The following TDRD9 variants were observed in gnomAD, a reference collection of about 807,000 sequenced individuals.
The protein encoded by TDRD9 is ATP-dependent RNA helicase TDRD9.
In TDRD9, 124 loss-of-function variants were observed where a neutral mutation model predicts 172.6. That is an observed-to-expected ratio of 0.72 (90% confidence interval 0.62 to 0.83). The LOEUF (loss-of-function observed/expected upper bound fraction) is 0.83. Ranked by LOEUF, TDRD9 falls within the 40% of genes least tolerant of loss-of-function variation. The pLI, the probability that TDRD9 is intolerant of heterozygous loss-of-function variation, is 0.00. For synonymous variants in TDRD9, 619 were observed against 617.1 expected (o/e 1.00, Z -0.05); for missense variants, 1,479 against 1,714.1 (o/e 0.86, Z 2.42).
intron 20 of TDRD9, 75 bp downstream of exon 20, chr14:104,008,541 T>G (rs966226860): frequency 3.0e-6 from 3 of 1,013,430 alleles, no homozygotes; most frequent in Non-Finnish European, 4.6e-6. Context: ...ACAACAATAT[T>G]TATTAAGTAC....
chr14:103,990,016 A>T (rs953817837), intron 8 of TDRD9, among the ~76,000 whole-genome samples: 4 of 152,180 alleles, frequency 2.6e-5, no homozygotes, highest in Admixed American at 1.3e-4. Flanking sequence ...CTGCCTATTG[A>T]TTGGGGTGAA....
chr14:103,995,170 A>T (rs1813000666), intron 11 of TDRD9, among the ~76,000 whole-genome samples: 1 of 152,052 alleles, frequency 6.6e-6, no homozygotes, highest in Admixed American at 6.6e-5. Flanking sequence ...TAACTTTGGG[A>T]CTGTTCTCGT....
intron 3 of TDRD9, among the ~76,000 whole-genome samples, 172 bp downstream of exon 3, chr14:103,963,348 T>G (rs2032598290): frequency 1.3e-5 from 2 of 152,230 alleles, no homozygotes; most frequent in African/African-American, 4.8e-5. Flanking sequence ...CAGATGATTT[T>G]GTGTAGTAAC....
At chr14:104,051,764 A>G (rs1052802001) in intron 35 of TDRD9, among the ~76,000 whole-genome samples, 7 of 152,196 alleles carry the variant, frequency 4.6e-5, no homozygotes, top group Non-Finnish European at 1.0e-4. Flanking sequence ...AGAAGCGTTC[A>G]TGTCTTTTGT....
intron 7 of TDRD9, among the ~76,000 whole-genome samples, chr14:103,976,187 G>C (rs1310577264): frequency 1.3e-5 from 2 of 152,058 alleles, no homozygotes; most frequent in African/African-American, 4.8e-5. Flanking sequence ...ATGTTGCCCA[G>C]AATGATAGGA....
At chr14:103,933,735 T>C (rs746628890) in intron 1 of TDRD9, among the ~76,000 whole-genome samples, 5 of 152,132 alleles carry the variant, frequency 3.3e-5, no homozygotes, top group Non-Finnish European at 7.4e-5. Context: ...GTTTTTGCAC[T>C]TGTCTCTTAC....
Position 103,997,826 on chromosome 14 carries a change from G to A in TDRD9, c.1379-798G>A, listed in dbSNP as rs2034108851. ...GGCGGGTCAAGGAGGACCTCCCAAC[G>A]GGGCTGTTGTCAGTGACCTTGACAA... is the stretch of plus-strand genomic sequence containing the variant. On this transcript the variant is annotated intron_variant, in intron 12 of 35. Transcript: ENST00000409874. This position sits in a 1 kb window ranked among gnomAD's most constrained non-coding sequence, Gnocchi z 5.1. Among the ~76,000 whole-genome samples the A allele has an allele frequency of 6.6e-6, 1 of 152,186 alleles. No homozygotes were observed. The highest frequency in any genetic ancestry group is 1.5e-5 in the Non-Finnish European group (1 of 68,030).
At chr14:103,951,037 T>C (rs962755667) in intron 1 of TDRD9, among the ~76,000 whole-genome samples, 4 of 152,242 alleles carry the variant, frequency 2.6e-5, no homozygotes, top group African/African-American at 9.6e-5. Flanking sequence ...AACCTTTGTC[T>C]TTCTTTACTT....
In TDRD9 at chr14:104,040,143, A is replaced by G. The variant is rs375927684; in HGVS notation, c.3717-53A>G. The G allele has an allele frequency of 2.4e-5, 33 of 1,361,108 alleles. No individual in the cohort carries two copies. In the South Asian group the frequency reaches 6.2e-4, roughly 25 times the overall value. The allele number at this position is 1,361,108 out of a possible 1,614,324, so 84.3% of individuals were successfully genotyped here. A position where few individuals can be genotyped will look rare whatever the true frequency, so the allele number is the denominator to read the frequency against. On this transcript the variant is annotated intron_variant, in intron 32 of 35. Coordinates refer to ENST00000409874, the MANE Select transcript of TDRD9 (RefSeq NM_153046.3). Reference sequence around the variant, plus strand: ...TCGGTCAATTTTTACATGCTAAAACATATACTTTAACAATTCTGAAATAAT... The same window carrying G: ...TCGGTCAATTTTTACATGCTAAAACGTATACTTTAACAATTCTGAAATAAT...
At position 103,986,206 on chromosome 14, in the gene TDRD9, A is replaced by C; in HGVS notation, c.1012-11A>C. 1 of 1,608,356 alleles carries C rather than the reference A, an allele frequency of 6.2e-7. No individual in the cohort carries two copies. Among genetic ancestry groups the C allele is most frequent in the Non-Finnish European group, 8.5e-7 (1 of 1,176,764 alleles). On this transcript the variant is annotated splice_polypyrimidine_tract_variant and intron_variant, in intron 7 of 35. Coordinates refer to ENST00000409874, the MANE Select transcript of TDRD9 (RefSeq NM_153046.3). ...TTTCGTATTGCGACTTTTTTCTTTCACTGTTTTTAGCTCTCTCCTCATCTC... is the reference window on the plus strand; with the variant it reads ...TTTCGTATTGCGACTTTTTTCTTTCCCTGTTTTTAGCTCTCTCCTCATCTC...
intron 34 of TDRD9, among the ~76,000 whole-genome samples, chr14:104,045,676 T>TA (rs1052001440): frequency 7.2e-5 from 11 of 152,170 alleles, no homozygotes; most frequent in African/African-American, 2.7e-4. Context: ...AGGCTGGGCA[T>TA]AATAAGGGGT....
chr14:103,988,889 C>T (rs1217861898), intron 8 of TDRD9, among the ~76,000 whole-genome samples: 1 of 151,846 alleles, frequency 6.6e-6, no homozygotes, highest in African/African-American at 2.4e-5. Context: ...TTTAAAATCA[C>T]CTAAGAAGGA....
intron 24 of TDRD9, among the ~76,000 whole-genome samples, chr14:104,023,740 T>C (rs755072905): frequency 3.9e-5 from 6 of 152,150 alleles, no homozygotes; most frequent in Non-Finnish European, 7.3e-5. Context: ...ATCTGAGGAG[T>C]TGGTGGAGGA....
chr14:103,988,051 A>G (rs756113731), intron 8 of TDRD9, among the ~76,000 whole-genome samples: 26 of 152,174 alleles, frequency 1.7e-4, no homozygotes, highest in Admixed American at 6.5e-4. Flanking sequence ...GTGTATTAGT[A>G]TAGCCATTTC....
In TDRD9 at chr14:103,980,940, T is replaced by G. The variant is rs2033449983; in HGVS notation, c.1012-5277T>G. Among the ~76,000 whole-genome samples, 2 of 152,202 alleles carry G rather than the reference T, an allele frequency of 1.3e-5. No individual in the cohort carries two copies. Among genetic ancestry groups the G allele is most frequent in the African/African-American group, 4.8e-5 (2 of 41,450 alleles). ...GGCCTGGTTTTTCCTAGGTTATGAT[T>G]GTAGAGCGAGAATTATTATAATATT... On this transcript the variant is annotated intron_variant, in intron 7 of 35. Transcript: ENST00000409874. The surrounding 1 kb of genome is among the most constrained non-coding windows in gnomAD (Gnocchi z 4.5).
At chr14:103,948,996 T>G (rs1032006727) in intron 1 of TDRD9, among the ~76,000 whole-genome samples, 7 of 152,128 alleles carry the variant, frequency 4.6e-5, no homozygotes, top group African/African-American at 1.4e-4. Flanking sequence ...AGAATGGTAT[T>G]TGTTGGTGGC....
At chr14:103,951,040 C>G (rs1487127579) in intron 1 of TDRD9, among the ~76,000 whole-genome samples, 1 of 152,182 alleles carries the variant, frequency 6.6e-6, no homozygotes, top group Non-Finnish European at 1.5e-5. Context: ...CTTTGTCTTT[C>G]TTTACTTCCC....
intron 7 of TDRD9, among the ~76,000 whole-genome samples, chr14:103,979,849 A>T (rs1242131851): frequency 6.7e-6 from 1 of 150,242 alleles, no homozygotes; most frequent in Non-Finnish European, 1.5e-5. Flanking sequence ...CATTTACAAC[A>T]TTTAAACAAT....
At chr14:104,032,863 C>T (rs1206927753) in intron 30 of TDRD9, among the ~76,000 whole-genome samples, 2 of 152,130 alleles carry the variant, frequency 1.3e-5, no homozygotes, top group Non-Finnish European at 2.9e-5. Context: ...TCTAGGGGGC[C>T]CAGCCACCCT....
Sources: allele counts gnomAD v4.1 joint callset (sites outside exome capture counted in the v4.1 genomes callset), GRCh38; gene constraint gnomAD v4.1.1; non-coding constraint Gnocchi (gnomAD v3.1); transcripts MANE v1.5; gene names NCBI Gene and HGNC (gene_info 2026-07-23, HGNC 2026-07-21).